AKAP3: variants seen among roughly 807,000 people sequenced by gnomAD.
AKAP3 encodes the protein A-kinase anchor protein 3.
In AKAP3, 27 loss-of-function variants were observed where a neutral mutation model predicts 57.2. The observed-to-expected ratio is 0.47, with a 90% CI of 0.35 to 0.65. The LOEUF is 0.65. Ranked by LOEUF, AKAP3 falls within the 30% of genes least tolerant of loss-of-function variation. AKAP3 has a pLI of 0.01. For synonymous variants in AKAP3, 334 were observed against 392.3 expected, an observed-to-expected ratio of 0.85 and a Z score of 1.76; for missense variants, 959 against 1,040.0, an observed-to-expected ratio of 0.92 and a Z score of 1.07.
rs1250372271 is a variant in AKAP3, at chr12:4,627,277, C to T, written c.1625G>A (p.Gly542Glu). ...LLLIQYHLAQ[G>E]GRRDARSFVE... is the part of the protein sequence containing the mutation. ...GAAGCTCCGTGCATCCCTTCTTCCT[C>T]CCTGGGCCAGGTGATATTGAATCAG... The change falls in exon 5 of 6, where the codon GGA becomes GAA. Residue 542 changes from glycine to glutamate, a missense_variant. Coordinates refer to ENST00000228850, the MANE Select transcript of AKAP3 (RefSeq NM_001278309.2). The T allele has an allele frequency of 1.1e-5, 17 of 1,614,042 alleles. No homozygotes were observed. The highest frequency in any genetic ancestry group is 1.4e-5 in the Non-Finnish European group (17 of 1,180,002).
chr12:4,628,126 C>A lies in AKAP3; in HGVS notation c.776G>T (p.Arg259Met), dbSNP rs1300051823. ...RNGDYAREGGRFFPRERKRFR... is the reference protein window; with the variant it reads ...RNGDYAREGGMFFPRERKRFR... ...CCTCTTTCTCTCCCGAGGAAAGAAC[C>A]TTCCACCCTCTCTGGCATAATCTCC... The change falls in exon 5 of 6, where the codon AGG (arginine) becomes ATG (methionine). Residue 259 changes from arginine (R) to methionine (M), a missense_variant. By Grantham distance (91) the Arg-to-Met change is moderately conservative (BLOSUM62 -1). Transcript: ENST00000228850. 2.5e-6 allele frequency: 4 copies of A among 1,614,034 alleles called. No homozygotes were observed. The African/African-American group carries it at 5.3e-5, about 22-fold the overall frequency.
chr12:4,640,261 C>T (rs1051827073), intron 3 of AKAP3, among the ~76,000 whole-genome samples: 10 of 152,206 alleles, frequency 6.6e-5, no homozygotes, highest in African/African-American at 2.2e-4. Context: ...CATTTCTCCT[C>T]CCCAATGCCT....
intron 4 of AKAP3, chr12:4,631,420 TG>T (rs1945496456): frequency 2.9e-6 from 2 of 688,770 alleles, no homozygotes; most frequent in Admixed American, 4.2e-5. Flanking sequence ...TGCCACAAAG[TG>T]GGGCTGAAAG....
At position 4,628,548 on chromosome 12, in the gene AKAP3, C is replaced by G; in HGVS notation, c.354G>C (p.Gly118=). 1 of 1,614,194 alleles carries G rather than the reference C, an allele frequency of 6.2e-7. No homozygotes were observed. Among genetic ancestry groups the G allele is most frequent in the South Asian group, 1.1e-5 (1 of 91,078 alleles). Residue 118 remains glycine (G), a synonymous_variant, in exon 5 of 6, where the codon GGG becomes GGC. Coordinates refer to ENST00000228850, the MANE Select transcript of AKAP3 (RefSeq NM_001278309.2). Reference sequence around the variant, plus strand: ...AGAAGGAAACTTCATCTACTGAACTCCCGTTGCCAAGTTGGGCCCTGGGGC... The same window carrying G: ...AGAAGGAAACTTCATCTACTGAACTGCCGTTGCCAAGTTGGGCCCTGGGGC... ...CQGPRAQLGN[G]SSVDEVSFYA...
chr12:4,624,824 G>GTGTGTGTGTGTGTGTA (rs143324716), intron 5 of AKAP3, among the ~76,000 whole-genome samples: 27 of 140,988 alleles, frequency 1.9e-4, no homozygotes, highest in East Asian at 6.1e-4. Context: ...GTGTGTGTGT[G>GTGTGTGTGTGTGTGTA]TATATAAAAG....
chr12:4,628,670 G>C lies in AKAP3; in HGVS notation c.232C>G (p.His78Asp), dbSNP rs1479709656. 3 of 1,614,096 alleles carry C rather than the reference G, an allele frequency of 1.9e-6. No homozygotes were observed. Among genetic ancestry groups the C allele is most frequent in the Non-Finnish European group, 2.5e-6 (3 of 1,180,032 alleles). The part of the protein sequence containing the change: ...GGETSNSGDP[H>D]KGFSVDYYNT... ...TAATAGTCTACAGAGAAACCTTTGTGTGGGTCTCCTGAGTTGGACGTTTCC... is the reference window on the plus strand; with the variant it reads ...TAATAGTCTACAGAGAAACCTTTGTCTGGGTCTCCTGAGTTGGACGTTTCC... The change falls in exon 5 of 6, where the codon CAC (histidine) becomes GAC (aspartate). Residue 78 changes from histidine to aspartate, a missense_variant. Physicochemically the swap from His to Asp is moderately conservative, Grantham distance 81. Coordinates refer to ENST00000228850, the MANE Select transcript of AKAP3 (RefSeq NM_001278309.2).
At chr12:4,618,067 G>T (rs1413545228) in intron 5 of AKAP3, among the ~76,000 whole-genome samples, 1 of 152,056 alleles carries the variant, frequency 6.6e-6, no homozygotes, top group Admixed American at 6.5e-5. Context: ...CCAAGAGAAG[G>T]CAGCAAAGGG....
chr12:4,628,299 T>C lies in AKAP3; in HGVS notation c.603A>G (p.Arg201=). The change falls in exon 5 of 6, where the codon AGA becomes AGG. Residue 201 remains arginine, a synonymous_variant. Coordinates refer to ENST00000228850, the MANE Select transcript of AKAP3 (RefSeq NM_001278309.2). ...GGGGACTTTGTGATGATCCCGAGAC[T>C]CTGTCTCCAGAGCCAGGAGCCTTGT... is the stretch of plus-strand genomic sequence containing the variant. ...APDKAPGSGD[R]VSGSSQSPPN... The C allele has an allele frequency of 6.2e-7, 1 of 1,614,158 alleles. No homozygotes were observed. The highest frequency in any genetic ancestry group is 1.3e-5 in the African/African-American group (1 of 75,062).
intron 4 of AKAP3, among the ~76,000 whole-genome samples, chr12:4,633,977 T>A (rs1045806098): frequency 6.6e-5 from 10 of 151,718 alleles, no homozygotes; most frequent in Non-Finnish European, 1.2e-4. Context: ...ATTCTTTTTT[T>A]TTTTTTTTTG....
chr12:4,621,346 A>G (rs1945345465), intron 5 of AKAP3, among the ~76,000 whole-genome samples: 1 of 152,236 alleles, frequency 6.6e-6, no homozygotes, highest in African/African-American at 2.4e-5. Context: ...TGAAGTCTAC[A>G]GTAGTGAACA....
chr12:4,641,099 G>T (rs1009862095), intron 3 of AKAP3, among the ~76,000 whole-genome samples: 2 of 93,060 alleles, frequency 2.1e-5, no homozygotes, highest in East Asian at 7.6e-4. Flanking sequence ...TGGTGACAAA[G>T]TCTCACTCTG....
intron 4 of AKAP3, among the ~76,000 whole-genome samples, chr12:4,632,862 G>A (rs1337221319): frequency 2.6e-5 from 4 of 152,154 alleles, no homozygotes; most frequent in African/African-American, 9.6e-5. Context: ...GGATGGTCTC[G>A]ATCTCCTGAC....
intron 4 of AKAP3, among the ~76,000 whole-genome samples, chr12:4,636,740 T>C (rs754352550): frequency 7.9e-5 from 12 of 152,180 alleles, no homozygotes; most frequent in Non-Finnish European, 1.6e-4. Context: ...CAAATAAATG[T>C]TTGATAAATG....
intron 4 of AKAP3, among the ~76,000 whole-genome samples, chr12:4,636,314 AGT>A (rs1186886307): frequency 6.6e-6 from 1 of 152,156 alleles, no homozygotes; most frequent in East Asian, 1.9e-4. Context: ...GTAGGACGAG[AGT>A]GTGTCTATGG....
intron 4 of AKAP3, chr12:4,631,303 A>G (rs1206216945): frequency 8.6e-6 from 6 of 701,024 alleles, no homozygotes; most frequent in Non-Finnish European, 7.8e-6. Context: ...TTCTGACAGC[A>G]TTTTTTGTCC....
At chr12:4,618,058 CAAGAG>C (rs1424970363) in intron 5 of AKAP3, among the ~76,000 whole-genome samples, 1 of 151,936 alleles carries the variant, frequency 6.6e-6, no homozygotes, top group Non-Finnish European at 1.5e-5. Context: ...TCAAATAGTC[CAAGAG>C]AAGGCAGCAA....
At chr12:4,617,510 T>C (rs1306763424) in intron 5 of AKAP3, among the ~76,000 whole-genome samples, 4 of 152,206 alleles carry the variant, frequency 2.6e-5, no homozygotes, top group Non-Finnish European at 5.9e-5. Flanking sequence ...CCCAGTACTT[T>C]GGGAGGCTGA....
chr12:4,616,717 A>C (rs1370884622), intron 5 of AKAP3, among the ~76,000 whole-genome samples: 1 of 152,232 alleles, frequency 6.6e-6, no homozygotes, highest in Non-Finnish European at 1.5e-5. Context: ...TGAGAGAGGA[A>C]AGTCAGTAAA....
intron 1 of AKAP3, among the ~76,000 whole-genome samples, chr12:4,646,850 TC>T (rs1290785069): frequency 6.6e-6 from 1 of 152,016 alleles, no homozygotes; most frequent in Admixed American, 6.6e-5. Context: ...TGGCACGATC[TC>T]GGCTCACTGC....
Sources: gnomAD v4.1 joint callset for allele counts (sites outside exome capture counted in the v4.1 genomes callset) on GRCh38, gnomAD v4.1.1 for gene constraint, MANE v1.5 for transcripts, NCBI Gene and HGNC (gene_info 2026-07-23, HGNC 2026-07-21) for gene names.